LHCGR: variants seen among roughly 807,000 people sequenced by gnomAD.
LHCGR encodes lutropin-choriogonadotropic hormone receptor.
A neutral mutation model predicts 60.7 loss-of-function variants in LHCGR; 55 were observed. That is an observed-to-expected ratio of 0.91 (90% confidence interval 0.73 to 1.13). The LOEUF (loss-of-function observed/expected upper bound fraction) is 1.13. LHCGR is among the 50% of genes most tolerant of loss of function. The probability of loss-of-function intolerance (pLI) is 0.00; values close to 1 mark genes in which losing one functional copy is unlikely to be tolerated. For synonymous variants in LHCGR, 337 were observed against 316.5 expected, an observed-to-expected ratio of 1.06 and a Z score of -0.69; for missense variants, 862 against 836.0, an observed-to-expected ratio of 1.03 and a Z score of -0.38.
intron 7 of LHCGR, among the ~76,000 whole-genome samples, chr2:48,711,970 C>G (rs1390179734): frequency 6.6e-6 from 1 of 152,104 alleles, no homozygotes; most frequent in Non-Finnish European, 1.5e-5. Context: ...GCATCTAAGG[C>G]CCTTCCTGTT....
chr2:48,742,169 C>G (rs964478156), intron 1 of LHCGR, among the ~76,000 whole-genome samples: 1 of 151,948 alleles, frequency 6.6e-6, no homozygotes, highest in African/African-American at 2.4e-5. Flanking sequence ...GGACCCAATA[C>G]AGGAGCACCC....
chr2:48,713,519 C>A (rs1668095683), intron 7 of LHCGR, among the ~76,000 whole-genome samples: 1 of 152,132 alleles, frequency 6.6e-6, no homozygotes, highest in African/African-American at 2.4e-5. Context: ...AAGCTCCCTA[C>A]CTTGTGGAAA....
chr2:48,722,022 C>T (rs763958372), intron 6 of LHCGR, among the ~76,000 whole-genome samples: 17 of 152,230 alleles, frequency 1.1e-4, no homozygotes, highest in East Asian at 1.9e-4. Context: ...TGGTGGCACA[C>T]GCCTGTAGTC....
intron 1 of LHCGR, chr2:48,732,963 T>A (rs372488699): frequency 1.1e-5 from 6 of 533,684 alleles, no homozygotes; most frequent in Non-Finnish European, 1.9e-5. Context: ...ACAGGGACAG[T>A]GTGGGAAGAA....
intron 10 of LHCGR, among the ~76,000 whole-genome samples, chr2:48,693,245 T>C (rs899340506): frequency 2.0e-5 from 3 of 152,212 alleles, no homozygotes; most frequent in Admixed American, 1.3e-4. Flanking sequence ...AATACTTATT[T>C]ACCCTTGGTG....
intron 1 of LHCGR, among the ~76,000 whole-genome samples, chr2:48,735,885 T>G (rs1381595991): frequency 6.6e-6 from 1 of 152,122 alleles, no homozygotes. Flanking sequence ...GAGGTGGGGC[T>G]TGGTTGGAGG....
chr2:48,739,547 CA>C (rs1221227873), intron 1 of LHCGR, among the ~76,000 whole-genome samples: 1 of 151,594 alleles, frequency 6.6e-6, no homozygotes, highest in Non-Finnish European at 1.5e-5. Context: ...TCATTCTCAG[CA>C]AACTATCACA....
At chr2:48,701,873 A>G (rs1472588590) in intron 8 of LHCGR, among the ~76,000 whole-genome samples, 5 of 152,124 alleles carry the variant, frequency 3.3e-5, no homozygotes, top group African/African-American at 1.2e-4. Context: ...ATTTTTCTAG[A>G]ACTTTTCTCA....
chr2:48,752,418 C>T (rs1669996587), intron 1 of LHCGR, among the ~76,000 whole-genome samples: 2 of 152,154 alleles, frequency 1.3e-5, no homozygotes, highest in African/African-American at 4.8e-5. Flanking sequence ...CCTCCTCCAA[C>T]CCTGAGAACT....
At position 48,755,572 on chromosome 2, in the gene LHCGR, A is replaced by AGGGCTC; in HGVS notation, c.94_99dup (p.Glu32_Pro33dup). Reference sequence around the variant, plus strand: ...AGGGCGCCGTCGGGCACGCAGTTGCAGGGCTCAGGGCAGAGCGCCTCGCGC... The same window carrying AGGGCTC: ...AGGGCGCCGTCGGGCACGCAGTTGCAGGGCTCGGGCTCAGGGCAGAGCGCCTCGCGC... On this transcript the variant is annotated inframe_insertion, in exon 1 of 11. Coordinates refer to ENST00000294954, the MANE Select transcript of LHCGR (RefSeq NM_000233.4). 6.5e-7 allele frequency: 1 copy of AGGGCTC among 1,539,618 alleles called. No individual in the cohort carries two copies. The highest frequency in any genetic ancestry group is 1.2e-5 in the South Asian group (1 of 83,830).
intron 1 of LHCGR, among the ~76,000 whole-genome samples, chr2:48,747,048 C>T (rs1047685343): frequency 1.3e-5 from 2 of 151,902 alleles, no homozygotes; most frequent in African/African-American, 4.8e-5. Context: ...TTGGTTGCAA[C>T]TGATATACTA....
chr2:48,695,961 A>G (rs1667097865), intron 9 of LHCGR, among the ~76,000 whole-genome samples: 1 of 152,154 alleles, frequency 6.6e-6, no homozygotes, highest in Non-Finnish European at 1.5e-5. Flanking sequence ...TGGATGCAAT[A>G]TACTCATGTA....
intron 9 of LHCGR, 137 bp from the exon 10 acceptor site, chr2:48,694,441 C>T (rs2104380976): frequency 3.0e-6 from 2 of 670,312 alleles, no homozygotes; most frequent in Admixed American, 2.2e-5. Flanking sequence ...ATTGTCCTAA[C>T]TGAAATGCTT....
chr2:48,737,293 TA>T (rs1669242644), intron 1 of LHCGR, among the ~76,000 whole-genome samples: 1 of 152,218 alleles, frequency 6.6e-6, no homozygotes, highest in South Asian at 2.1e-4. Flanking sequence ...TCCTGAATTC[TA>T]AAACACTACA....
At chr2:48,728,374 T>C (rs914900412) in intron 3 of LHCGR, among the ~76,000 whole-genome samples, 1 of 152,180 alleles carries the variant, frequency 6.6e-6, no homozygotes, top group African/African-American at 2.4e-5. Flanking sequence ...GCTAATACTT[T>C]TCCCCTTCCC....
intron 10 of LHCGR, among the ~76,000 whole-genome samples, 177 bp from the exon 11 acceptor site, chr2:48,689,026 A>G (rs1299872880): frequency 1.3e-5 from 2 of 152,114 alleles, no homozygotes; most frequent in Non-Finnish European, 2.9e-5. Flanking sequence ...GTACCTTAAG[A>G]AGGGAATGAA....
intron 1 of LHCGR, among the ~76,000 whole-genome samples, chr2:48,742,953 A>G (rs1464841062): frequency 1.3e-5 from 2 of 152,220 alleles, no homozygotes; most frequent in East Asian, 1.9e-4. Flanking sequence ...TAGCAAGACT[A>G]ATAAAGAAAA....
At chr2:48,698,980 T>G (rs1218511615) in intron 8 of LHCGR, among the ~76,000 whole-genome samples, 180 bp from the exon 9 acceptor site, 2 of 152,100 alleles carry the variant, frequency 1.3e-5, no homozygotes, top group South Asian at 2.1e-4. Flanking sequence ...TCGCTGGGAC[T>G]ACAGGCGCCC....
At chr2:48,690,052 C>T (rs1680146626) in intron 10 of LHCGR, among the ~76,000 whole-genome samples, 2 of 152,126 alleles carry the variant, frequency 1.3e-5, no homozygotes, top group South Asian at 4.1e-4. Context: ...TAGTTTTCTT[C>T]CTGATATCCT....
Sources: allele counts gnomAD v4.1 joint callset (sites outside exome capture counted in the v4.1 genomes callset), GRCh38; gene constraint gnomAD v4.1.1; transcripts MANE v1.5; gene names NCBI Gene and HGNC (gene_info 2026-07-23, HGNC 2026-07-21).